The following MYOF variants were observed in gnomAD, a reference collection of about 807,000 sequenced individuals.
The protein encoded by MYOF is fer-1-like 3, myoferlin.
Under a neutral mutation model 284.2 loss-of-function variants are expected in MYOF, and 244 were observed. That is an observed-to-expected ratio of 0.86 (90% CI 0.77 to 0.95). The LOEUF (loss-of-function observed/expected upper bound fraction) is 0.95, where lower values mean the gene tolerates loss of function less well. MYOF is among the 40% of genes least tolerant of loss of function. The pLI is 0.00. For synonymous variants in MYOF, 904 were observed against 919.7 expected (o/e 0.98, Z 0.31); for missense variants, 2,496 against 2,560.6 (o/e 0.97, Z 0.54).
chr10:93,367,811 C>G (rs976141250), intron 25 of MYOF, among the ~76,000 whole-genome samples: 4 of 151,556 alleles, frequency 2.6e-5, no homozygotes, highest in Non-Finnish European at 4.4e-5. Context: ...TCCCAGAAAT[C>G]TCGGGGGTGG....
chr10:93,430,407 C>T (rs1371195133), intron 4 of MYOF, among the ~76,000 whole-genome samples: 4 of 151,518 alleles, frequency 2.6e-5, no homozygotes, highest in Non-Finnish European at 4.4e-5. Flanking sequence ...TATGGTGAAA[C>T]TCCATCTCTA....
chr10:93,330,779 C>T (rs1018755541), intron 43 of MYOF, among the ~76,000 whole-genome samples: 1 of 152,204 alleles, frequency 6.6e-6, no homozygotes, highest in Admixed American at 6.5e-5. Flanking sequence ...GCCTCCTCCC[C>T]TTCTCCTTGC....
At chr10:93,337,569 C>T in intron 40 of MYOF, 1 of 443,412 alleles carries the variant, frequency 2.3e-6, no homozygotes, top group East Asian at 3.6e-5. Flanking sequence ...TCCCAACCAT[C>T]TGCCAGATGC....
At chr10:93,354,334 C>T (rs967922904) in intron 31 of MYOF, among the ~76,000 whole-genome samples, 1 of 152,160 alleles carries the variant, frequency 6.6e-6, no homozygotes, top group East Asian at 1.9e-4. Flanking sequence ...GCTGAAATCA[C>T]ACCACTGCAC....
rs773821534 is a variant in MYOF, at chr10:93,325,863, C to G, written c.5234G>C (p.Arg1745Thr). 5.0e-6 allele frequency: 8 copies of G among 1,614,022 alleles called. No homozygotes were observed. Among genetic ancestry groups the G allele is most frequent in the South Asian group, 1.1e-5 (1 of 91,050 alleles). ...QGLVPEHVET[R>T]TLHSTFQPNI... ...GGGCTGGAAGGTGCTGTGCAAAGTC[C>G]TTGTTTCCACGTGCTCAGGGACCAG... is the stretch of plus-strand genomic sequence containing the variant. The change falls in exon 46 of 54, where the codon AGG (arginine) becomes ACG (threonine). Residue 1745 changes from arginine to threonine, a missense_variant. Transcript: ENST00000359263.
intron 23 of MYOF, among the ~76,000 whole-genome samples, chr10:93,374,502 A>G (rs1209667710): frequency 9.9e-5 from 15 of 152,226 alleles, no homozygotes; most frequent in Admixed American, 9.8e-4. Context: ...CTCCGACAGT[A>G]CCATGAAAAT....
chr10:93,328,699 A>C, intron 45 of MYOF, 64 bp downstream of exon 45: 5 of 1,519,984 alleles, frequency 3.3e-6, no homozygotes, highest in Non-Finnish European at 4.5e-6. Context: ...ACTCCCCCAA[A>C]CCCAGCAATA....
intron 26 of MYOF, 21 bp downstream of exon 26, chr10:93,366,371 C>T (rs150144100): frequency 6.2e-7 from 1 of 1,605,466 alleles, no homozygotes; most frequent in African/African-American, 1.3e-5. Context: ...ATCCTTTTTA[C>T]TCAGAAAATG....
chr10:93,328,392 C>T (rs972984709), intron 45 of MYOF, among the ~76,000 whole-genome samples: 2 of 152,154 alleles, frequency 1.3e-5, no homozygotes, highest in Non-Finnish European at 2.9e-5. Context: ...CCATAACATC[C>T]CTGAAGCTTC....
intron 50 of MYOF, among the ~76,000 whole-genome samples, chr10:93,315,486 A>C (rs901493791): frequency 6.6e-6 from 1 of 152,044 alleles, no homozygotes; most frequent in Non-Finnish European, 1.5e-5. Context: ...GGGGAAATGG[A>C]GGGGTTGTGA....
At chr10:93,369,110 C>T (rs1395648287) in intron 25 of MYOF, among the ~76,000 whole-genome samples, 41 of 78,290 alleles carry the variant, frequency 5.2e-4, no homozygotes, top group African/African-American at 1.3e-3. Flanking sequence ...ATTCAGACAG[C>T]TTTTTTTTTT....
chr10:93,353,811 C>A lies in MYOF; in HGVS notation c.3481G>T (p.Asp1161Tyr), dbSNP rs1421582326. Residue 1161 changes from aspartate to tyrosine, a missense_variant and splice_region_variant, in exon 32 of 54, where the codon GAT becomes TAT. By Grantham distance (160) the Asp-to-Tyr change is radical. Around this residue, in one of 3 missense-constraint regions of MYOF, gnomAD observed 2,436 missense variants for 2,480.7 expected, o/e 0.98. Coordinates refer to ENST00000359263, the MANE Select transcript of MYOF (RefSeq NM_013451.4). Reference sequence around the variant, plus strand: ...AGCATGTAGATTTTTTTTCCTTTACCTGAAAAGCTATCCTTATCTAAAGCC... The same window carrying A: ...AGCATGTAGATTTTTTTTCCTTTACATGAAAAGCTATCCTTATCTAAAGCC... Reference protein sequence around the residue: ...LLALDKDSFSDPYAHICFLHR... With the variant: ...LLALDKDSFSYPYAHICFLHR... 6.2e-7 allele frequency: 1 copy of A among 1,602,776 alleles called. No homozygotes were observed. The highest frequency in any genetic ancestry group is 2.2e-5 in the East Asian group (1 of 44,620).
At chr10:93,377,107 C>T (rs1845871018) in intron 22 of MYOF, among the ~76,000 whole-genome samples, 1 of 152,136 alleles carries the variant, frequency 6.6e-6, no homozygotes, top group Non-Finnish European at 1.5e-5. Flanking sequence ...CTCAGCCTCC[C>T]TAGGCTACTT....
intron 46 of MYOF, among the ~76,000 whole-genome samples, chr10:93,325,013 C>T (rs1842983363): frequency 1.3e-5 from 2 of 152,112 alleles, no homozygotes; most frequent in South Asian, 2.1e-4. Flanking sequence ...CTCCTGACTT[C>T]GTGATCCACC....
intron 7 of MYOF, among the ~76,000 whole-genome samples, chr10:93,406,410 C>A (rs890520972): frequency 2.0e-5 from 3 of 148,748 alleles, no homozygotes; most frequent in Admixed American, 6.8e-5. Context: ...GAGGTCTAAT[C>A]CCCCTCAAAC....
At position 93,369,677 on chromosome 10, in the gene MYOF, C is replaced by T. The variant is rs1018915257; in HGVS notation, c.2557G>A (p.Ala853Thr). ...GCAAAGACGGTGAAAGTTCCTTCTG[C>T]GAAGCTGTTAAACTTCTTCTCCACA... The part of the protein sequence containing the change: ...SAVEKKFNSF[A>T]EGTFTVFAEM... Residue 853 changes from alanine to threonine, a missense_variant, in exon 25 of 54, where the codon GCA becomes ACA. Physicochemically the swap from Ala to Thr is moderately conservative, Grantham distance 58 (BLOSUM62 0). This residue lies in a region of MYOF where 2,436 missense variants were observed against 2,480.7 expected (regional missense o/e 0.98). Transcript: ENST00000359263. 5.6e-6 allele frequency: 9 copies of T among 1,614,152 alleles called. No homozygotes were observed. The highest frequency in any genetic ancestry group is 2.2e-5 in the East Asian group (1 of 44,882).
chr10:93,368,481 C>G (rs957944941), intron 25 of MYOF, among the ~76,000 whole-genome samples: 2 of 152,150 alleles, frequency 1.3e-5, no homozygotes, highest in East Asian at 3.9e-4. Context: ...CCTTGAGGAC[C>G]AGGCTTGGCT....
chr10:93,472,240 G>A (rs1323737331), intron 1 of MYOF, among the ~76,000 whole-genome samples: 2 of 152,186 alleles, frequency 1.3e-5, no homozygotes, highest in East Asian at 3.8e-4. Flanking sequence ...CATTAAGATG[G>A]CTATTATGAA....
chr10:93,356,651 G>T (rs775902222), intron 30 of MYOF, 24 bp downstream of exon 30: 18 of 1,604,312 alleles, frequency 1.1e-5, no homozygotes, highest in Non-Finnish European at 1.4e-5. Context: ...AATATGATCT[G>T]CGCTCTGGCA....
Sources: allele counts gnomAD v4.1 joint callset (sites outside exome capture counted in the v4.1 genomes callset), GRCh38; gene constraint gnomAD v4.1.1; regional missense constraint gnomAD v4.1.1; transcripts MANE v1.5; gene names NCBI Gene and HGNC (gene_info 2026-07-23, HGNC 2026-07-21).